CBR4: variants seen among roughly 807,000 people sequenced by gnomAD.
CBR4 encodes carbonyl reductase 4.
Under a neutral mutation model 21.0 loss-of-function variants are expected in CBR4, and 22 were observed. The observed-to-expected ratio is 1.05, with a 90% CI of 0.75 to 1.50. The LOEUF is 1.50. Ranked by LOEUF, CBR4 falls within the 40% of genes most tolerant of loss-of-function variation. The pLI is 0.00. For synonymous variants in CBR4, 100 were observed against 104.4 expected (o/e 0.96, Z 0.26); for missense variants, 302 against 286.3 (o/e 1.05, Z -0.40).
At chr4:168,990,421 T>G in intron 4 of CBR4, 93 bp from the exon 5 acceptor site, 1 of 1,240,412 alleles carries the variant, frequency 8.1e-7, no homozygotes, top group East Asian at 3.0e-5. Flanking sequence ...CTGAAAATTT[T>G]AATTTGAAAT....
intron 2 of CBR4, among the ~76,000 whole-genome samples, chr4:168,963,519 A>G (rs920732123): frequency 6.8e-6 from 1 of 146,834 alleles, no homozygotes; most frequent in Non-Finnish European, 1.5e-5. Context: ...CACCCAGCCT[A>G]GAGTCCTATG....
At chr4:168,905,790 C>CTTTCTTTTTTTT (rs1757627059) in intron 2 of CBR4, among the ~76,000 whole-genome samples, 1 of 113,092 alleles carries the variant, frequency 8.8e-6, no homozygotes, top group Non-Finnish European at 1.7e-5. Context: ...GCTTTTTTTT[C>CTTTCTTTTTTTT]TTTTTTTTTT....
chr4:168,994,985 C>T (rs1313982027), intron 4 of CBR4, among the ~76,000 whole-genome samples: 1 of 152,068 alleles, frequency 6.6e-6, no homozygotes, highest in Non-Finnish European at 1.5e-5. Context: ...AATTACTGGC[C>T]TTAGGTGATC....
Position 169,010,226 on chromosome 4 carries a change from G to C in CBR4, c.-137C>G. 2 of 751,212 alleles carry C rather than the reference G, an allele frequency of 2.7e-6. No individual in the cohort carries two copies. The highest frequency in any genetic ancestry group is 2.0e-5 in the South Asian group (1 of 49,304). The allele number at this position is 751,212 out of a possible 1,614,324, so 46.5% of individuals were successfully genotyped here. A position where few individuals can be genotyped will look rare whatever the true frequency, so the allele number is the denominator to read the frequency against. Reference sequence around the variant, plus strand: ...GCAAACCGCAAAAAAAAATAACGCCGCTCGACACCTCCTGCAGCCGCACAA... The same window carrying C: ...GCAAACCGCAAAAAAAAATAACGCCCCTCGACACCTCCTGCAGCCGCACAA... On this transcript the variant is annotated 5_prime_UTR_variant, in exon 1 of 5. Transcript: ENST00000306193.
chr4:168,942,952 A>G (rs1025295331), intron 2 of CBR4, among the ~76,000 whole-genome samples: 1 of 152,204 alleles, frequency 6.6e-6, no homozygotes, highest in Non-Finnish European at 1.5e-5. Context: ...GCTATTAACA[A>G]AAAGAAAAAA....
chr4:168,968,823 A>C (rs1338280978), intron 2 of CBR4, among the ~76,000 whole-genome samples: 2 of 152,216 alleles, frequency 1.3e-5, no homozygotes, highest in East Asian at 3.8e-4. Flanking sequence ...GCAGAGAAAG[A>C]GAAGGGTCAG....
intron 2 of CBR4, chr4:168,928,199 C>CCTAT (rs989617537): frequency 1.4e-4 from 27 of 186,552 alleles, no homozygotes; most frequent in East Asian, 1.4e-3. Flanking sequence ...CTCTCATGGA[C>CCTAT]CTATCTCTAT....
At chr4:168,993,731 ATCGATGCAT>A (rs1402429203) in intron 4 of CBR4, among the ~76,000 whole-genome samples, 1 of 152,194 alleles carries the variant, frequency 6.6e-6, no homozygotes, top group Non-Finnish European at 1.5e-5. Context: ...CAGCATAAAA[ATCGATGCAT>A]TTTAACCCAA....
At chr4:169,003,496 GA>G (rs1354594646) in intron 3 of CBR4, among the ~76,000 whole-genome samples, 1 of 151,906 alleles carries the variant, frequency 6.6e-6, no homozygotes, top group Non-Finnish European at 1.5e-5. Context: ...ACTGTTGAAA[GA>G]AATGACAAAG....
intron 2 of CBR4, among the ~76,000 whole-genome samples, chr4:168,974,468 G>A (rs1284945345): frequency 6.6e-6 from 1 of 152,164 alleles, no homozygotes; most frequent in East Asian, 1.9e-4. Flanking sequence ...GGCAAGACCA[G>A]GGAAGTTTTC....
In CBR4 at chr4:168,963,106, T is replaced by A. The variant is rs6823959; in HGVS notation, n.169+38965A>T. 5.3e-3 allele frequency among the ~76,000 whole-genome samples: 800 copies of A among 152,242 alleles called. 4 individuals carry two copies. The highest frequency in any genetic ancestry group is 0.018 in the African/African-American group (740 of 41,544). ...GAATTTTAATTCCAGTATTTCAAAA[T>A]CCATGTTCATTCCACTGAAACTAAC... On this transcript the variant is annotated intron_variant and non_coding_transcript_variant, in intron 2 of 3. Coordinates refer to the CBR4 transcript ENST00000509108.
chr4:168,924,542 T>A, intron 2 of CBR4: 1 of 1,021,608 alleles, frequency 9.8e-7, no homozygotes. Context: ...TGATTTTTGA[T>A]GAAATCAATC....
At chr4:168,905,751 A>G (rs1181096169) in intron 2 of CBR4, among the ~76,000 whole-genome samples, 1 of 147,672 alleles carries the variant, frequency 6.8e-6, no homozygotes, top group African/African-American at 2.5e-5. Flanking sequence ...TTCATATTTG[A>G]TATATATGAA....
At chr4:168,907,742 T>G (rs1485417172) in intron 2 of CBR4, among the ~76,000 whole-genome samples, 1 of 152,006 alleles carries the variant, frequency 6.6e-6, no homozygotes, top group African/African-American at 2.4e-5. Flanking sequence ...GACAAAGCAA[T>G]GAGAAGTGGA....
chr4:168,929,469 T>C (rs1762899383), intron 2 of CBR4, among the ~76,000 whole-genome samples: 1 of 152,248 alleles, frequency 6.6e-6, no homozygotes, highest in East Asian at 1.9e-4. Flanking sequence ...AGATTCATTA[T>C]ATATTTTAAT....
intron 2 of CBR4, among the ~76,000 whole-genome samples, chr4:168,929,146 G>C (rs1762879549): frequency 6.6e-6 from 1 of 151,992 alleles, no homozygotes; most frequent in South Asian, 2.1e-4. Flanking sequence ...AAAGTGAGGG[G>C]AAAAGGAAGA....
At chr4:168,898,527 T>G in intron 2 of CBR4, 1 of 1,613,536 alleles carries the variant, frequency 6.2e-7, no homozygotes, top group Non-Finnish European at 8.5e-7. Context: ...CAGAGACTCA[T>G]CAGTGAAATA....
intron 2 of CBR4, among the ~76,000 whole-genome samples, chr4:168,919,349 C>G (rs1175786125): frequency 2.6e-5 from 4 of 151,906 alleles, no homozygotes; most frequent in African/African-American, 9.7e-5. Flanking sequence ...CATGGTGAAA[C>G]CCCGTCTCTA....
At chr4:168,927,401 T>G (rs1762698728) in intron 2 of CBR4, 1 of 232,924 alleles carries the variant, frequency 4.3e-6, no homozygotes, top group African/African-American at 2.2e-5. Flanking sequence ...ACACATGCTG[T>G]GGAGCACACA....
Sources: gnomAD v4.1 joint callset for allele counts (sites outside exome capture counted in the v4.1 genomes callset) on GRCh38, gnomAD v4.1.1 for gene constraint, MANE v1.5 for transcripts, NCBI Gene and HGNC (gene_info 2026-07-23, HGNC 2026-07-21) for gene names.